STXBP2: variants seen among roughly 807,000 people sequenced by gnomAD.
STXBP2 encodes syntaxin binding protein 2.
STXBP2 carries 47 observed loss-of-function variants against 72.2 expected under a neutral mutation model. That is an observed-to-expected ratio of 0.65 (90% CI 0.51 to 0.83). The LOEUF (loss-of-function observed/expected upper bound fraction) is 0.83. STXBP2 is among the 40% of genes least tolerant of loss of function. The pLI is 0.00. For synonymous variants in STXBP2, 367 were observed against 338.7 expected, an observed-to-expected ratio of 1.08 and a Z score of -0.92; for missense variants, 702 against 807.6, an observed-to-expected ratio of 0.87 and a Z score of 1.58.
chr19:7,640,525 C>T (rs777665764), intron 4 of STXBP2: 154 of 671,612 alleles, frequency 2.3e-4, no homozygotes, highest in African/African-American at 1.9e-3. Flanking sequence ...TGTGTGCATG[C>T]GTGTGTATGT....
At chr19:7,640,432 G>C (rs1199428394) in intron 4 of STXBP2, 3 of 633,526 alleles carry the variant, frequency 4.7e-6, no homozygotes, top group Admixed American at 4.5e-5. Context: ...GCGCGCATCT[G>C]TGTGTGTGCA....
the STXBP2 span, chr19:7,630,366 G>A: frequency 1.7e-6 from 1 of 590,094 alleles, no homozygotes. Flanking sequence ...AGCTCAGAGG[G>A]AACTTTCAGG....
chr19:7,643,058 G>A lies in STXBP2; in HGVS notation c.1026+10G>A, dbSNP rs1395160598. On this transcript the variant is annotated intron_variant, in intron 12 of 18. Transcript: ENST00000221283. Reference sequence around the variant, plus strand: ...GAAGGAGCTGAATAAGGTGTGCTCGGGTGGGCAGGGAGCGGGGACACCTCG... The same window carrying A: ...GAAGGAGCTGAATAAGGTGTGCTCGAGTGGGCAGGGAGCGGGGACACCTCG... 6.2e-7 allele frequency: 1 copy of A among 1,614,178 alleles called. No individual in the cohort carries two copies. Among genetic ancestry groups the A allele is most frequent in the Admixed American group, 1.7e-5 (1 of 60,030 alleles).
chr19:7,640,825 C>G lies in STXBP2; in HGVS notation c.325+16C>G. 2 of 1,614,016 alleles carry G rather than the reference C, an allele frequency of 1.2e-6. No homozygotes were observed. Among genetic ancestry groups the G allele is most frequent in the Non-Finnish European group, 1.7e-6 (2 of 1,179,884 alleles). ...TTCACCGACAGTGAGTGAGGAGAGC[C>G]TAGGGTGTTGGTGGGTGGGGCAAGG... On this transcript the variant is annotated intron_variant, in intron 5 of 18. Transcript: ENST00000221283.
the STXBP2 span, chr19:7,630,237 CCTGGGTTTGGG>C: frequency 2.2e-6 from 1 of 450,084 alleles, no homozygotes; most frequent in African/African-American, 2.0e-5. Context: ...AGTGACGCCT[CCTGGGTTTGGG>C]GGTGCTCCCG....
the STXBP2 span, chr19:7,630,594 C>G: frequency 2.6e-6 from 4 of 1,537,146 alleles, no homozygotes; most frequent in Non-Finnish European, 3.5e-6. Context: ...CCTCACTTTC[C>G]CTGTGGCTAT....
chr19:7,644,503 T>C (rs1346787142), intron 13 of STXBP2, 111 bp from the exon 14 acceptor site: 1 of 1,458,070 alleles, frequency 6.9e-7, no homozygotes, highest in Non-Finnish European at 9.4e-7. Context: ...TGAGATGAGG[T>C]AGGACCCAAA....
rs373267410 is a variant in STXBP2 at position 7,644,709 on chromosome 19, C to T, written c.1203C>T (p.Tyr401=). The T allele has an allele frequency of 1.2e-4, 191 of 1,613,718 alleles. No homozygotes were observed. The highest frequency in any genetic ancestry group is 1.5e-4 in the Non-Finnish European group (172 of 1,179,870). Residue 401 remains tyrosine, a synonymous_variant, in exon 14 of 19, where the codon TAC becomes TAT. Coordinates refer to ENST00000221283, the MANE Select transcript of STXBP2 (RefSeq NM_006949.4). ...TGCTGGACGCGGCGGTGCCCGCCTACGACAAGATCCGGGTCCTGCTGCTCT... is the reference window on the plus strand; with the variant it reads ...TGCTGGACGCGGCGGTGCCCGCCTATGACAAGATCCGGGTCCTGCTGCTCT... ...PVLLDAAVPA[Y]DKIRVLLLYI...
chr19:7,635,136 AGCTCTCT>A (rs1325989717), upstream of STXBP2, among the ~76,000 whole-genome samples: 1 of 152,134 alleles, frequency 6.6e-6, no homozygotes, highest in Non-Finnish European at 1.5e-5. Context: ...TGGCCCTAAC[AGCTCTCT>A]GTCCCCCCAA....
At position 7,642,935 on chromosome 19, in the gene STXBP2, G is replaced by A; in HGVS notation, c.961-48G>A. 1 of 1,612,866 alleles carries A rather than the reference G, an allele frequency of 6.2e-7. No homozygotes were observed. Among genetic ancestry groups the A allele is most frequent in the Non-Finnish European group, 8.5e-7 (1 of 1,178,878 alleles). On this transcript the variant is annotated intron_variant, in intron 11 of 18. Coordinates refer to ENST00000221283, the MANE Select transcript of STXBP2 (RefSeq NM_006949.4). This position sits in a 1 kb window ranked among gnomAD's most constrained non-coding sequence, Gnocchi z 6.0. ...CTGGACTGAGACCCAGGTGGGCACT[G>A]CCTGGCTTCGCCCCCCAATCCCTAC... is the stretch of plus-strand genomic sequence containing the variant.
chr19:7,630,268 G>A, the STXBP2 span: 2 of 471,242 alleles, frequency 4.2e-6, no homozygotes, highest in African/African-American at 3.9e-5. Context: ...GGGATCTTAA[G>A]TGGGGATGGG....
chr19:7,640,863 T>C, intron 5 of STXBP2, 37 bp from the exon 6 acceptor site: 1 of 1,613,650 alleles, frequency 6.2e-7, no homozygotes, highest in South Asian at 1.1e-5. Context: ...GTGTGGGGGC[T>C]GCTCTGGCCT....
rs2031893780 is a variant in STXBP2, at chr19:7,641,859, G to T, written c.578+6G>T. On this transcript the variant is annotated splice_donor_region_variant and intron_variant, in intron 7 of 18. Coordinates refer to ENST00000221283, the MANE Select transcript of STXBP2 (RefSeq NM_006949.4). Reference sequence around the variant, plus strand: ...CCGGCCATCCGCTACCGCAAGTGGGGACCCCACCCAGCCCCACCCCGATGC... The same window carrying T: ...CCGGCCATCCGCTACCGCAAGTGGGTACCCCACCCAGCCCCACCCCGATGC... The T allele has an allele frequency of 1.9e-6, 3 of 1,555,176 alleles. No individual in the cohort carries two copies. The East Asian group carries it at 7.3e-5, about 38-fold the overall frequency.
rs553917731 is a variant in STXBP2, at chr19:7,642,878, A to G, written c.960+55A>G. 92 of 1,612,354 alleles carry G rather than the reference A, an allele frequency of 5.7e-5. 1 individual carries two copies. The South Asian group carries it at 6.7e-4, about 12-fold the overall frequency. On this transcript the variant is annotated intron_variant, in intron 11 of 18. Coordinates refer to ENST00000221283, the MANE Select transcript of STXBP2 (RefSeq NM_006949.4). The surrounding 1 kb of genome is among the most constrained non-coding windows in gnomAD (Gnocchi z 6.0). ...CTGGTGGAAGGAAGCCCCCCTCCCC[A>G]TGGGCGCAGGGCCACAGCCTGGATT...
At position 7,646,323 on chromosome 19, in the gene STXBP2, G is replaced by A. The variant is rs137978942; in HGVS notation, c.1431G>A (p.Pro477=). The change falls in exon 16 of 19, where the codon CCG becomes CCA. Residue 477 remains proline (P), a synonymous_variant. Coordinates refer to ENST00000221283, the MANE Select transcript of STXBP2 (RefSeq NM_006949.4). ...EPTYQLSRWT[P]VIKDVMEDAV... Reference sequence around the variant, plus strand: ...CCTATCAGCTGTCCCGCTGGACCCCGGTCATCAAGGATGTAATGGAGGTAC... The same window carrying A: ...CCTATCAGCTGTCCCGCTGGACCCCAGTCATCAAGGATGTAATGGAGGTAC... 56 of 1,610,002 alleles carry A rather than the reference G, an allele frequency of 3.5e-5. No homozygotes were observed. The African/African-American group carries it at 6.3e-4, about 18-fold the overall frequency.
At position 7,642,542 on chromosome 19, in the gene STXBP2, T is replaced by C; in HGVS notation, c.902+6T>C. ...CATATCGCAGATGTGTCCAAGTGCGTGCACACGGGGACCGGATCCCCCCCC... is the reference window on the plus strand; with the variant it reads ...CATATCGCAGATGTGTCCAAGTGCGCGCACACGGGGACCGGATCCCCCCCC... On this transcript the variant is annotated splice_donor_region_variant and intron_variant, in intron 10 of 18. Coordinates refer to ENST00000221283, the MANE Select transcript of STXBP2 (RefSeq NM_006949.4). The surrounding 1 kb of genome is among the most constrained non-coding windows in gnomAD (Gnocchi z 6.0). 6.2e-7 allele frequency: 1 copy of C among 1,613,308 alleles called. No individual in the cohort carries two copies. Among genetic ancestry groups the C allele is most frequent in the Non-Finnish European group, 8.5e-7 (1 of 1,179,614 alleles).
chr19:7,638,701 G>A (rs1196378241), intron 1 of STXBP2, 25 bp from the exon 2 acceptor site: 1 of 1,613,994 alleles, frequency 6.2e-7, no homozygotes, highest in Admixed American at 1.7e-5. Context: ...CCAGCATTCT[G>A]ACCCCTCCCC....
chr19:7,647,474 GACCAGGGCC>G lies in STXBP2; in HGVS notation c.1663_1671del (p.Arg555_Thr557del). 1 of 1,610,566 alleles carries G rather than the reference GACCAGGGCC, an allele frequency of 6.2e-7. No homozygotes were observed. The highest frequency in any genetic ancestry group is 1.3e-5 in the African/African-American group (1 of 74,934). On this transcript the variant is annotated inframe_deletion, in exon 18 of 19. Coordinates refer to ENST00000221283, the MANE Select transcript of STXBP2 (RefSeq NM_006949.4). ...CAGAGATGAGGGCCGCCTACGAGGTGACCAGGGCCACCGAGGGCAAGTGGGAGGTGCTCA... is the reference window on the plus strand; with the variant it reads ...CAGAGATGAGGGCCGCCTACGAGGTGACCGAGGGCAAGTGGGAGGTGCTCA...
chr19:7,637,301 C>A, intron 1 of STXBP2, 115 bp downstream of exon 1: 1 of 660,794 alleles, frequency 1.5e-6, no homozygotes, highest in Non-Finnish European at 1.9e-6. Context: ...CCGGGCTGGG[C>A]GTCCGAGCAC....
Sources: gnomAD v4.1 joint callset for allele counts (sites outside exome capture counted in the v4.1 genomes callset) on GRCh38, gnomAD v4.1.1 for gene constraint, Gnocchi (gnomAD v3.1) non-coding constraint, MANE v1.5 for transcripts, NCBI Gene and HGNC (gene_info 2026-07-23, HGNC 2026-07-21) for gene names.